CD209: variants seen among roughly 807,000 people sequenced by gnomAD.
CD209 encodes the protein CD209 molecule.
Under a neutral mutation model 44.7 loss-of-function variants are expected in CD209, and 31 were observed. That is an observed-to-expected ratio of 0.69 (90% CI 0.52 to 0.94). The LOEUF (loss-of-function observed/expected upper bound fraction) is 0.94. Ranked by LOEUF, CD209 falls within the 40% of genes least tolerant of loss-of-function variation. CD209 has a pLI of 0.00. For missense variants in CD209, 407 were observed against 452.4 expected (o/e 0.90, Z 0.91); for synonymous variants, 173 against 181.3 (o/e 0.95, Z 0.37).
chr19:7,747,207 C>A, intron 2 of CD209, 99 bp downstream of exon 2: 1 of 1,261,478 alleles, frequency 7.9e-7, no homozygotes, highest in Non-Finnish European at 1.1e-6. Flanking sequence ...GCCCCACATC[C>A]CCAGGACCCA....
In CD209 at chr19:7,743,255, C is replaced by T. The variant is rs376393724; in HGVS notation, c.1014-15G>A. ...ACTGCTTGAAGCTGCAAAGCCCATG[C>T]GGAATGTGAGCCTCTGTCCCCGCCA... is the stretch of plus-strand genomic sequence containing the variant. On this transcript the variant is annotated splice_polypyrimidine_tract_variant and intron_variant, in intron 6 of 6. Transcript: ENST00000315599. 4.3e-6 allele frequency: 7 copies of T among 1,609,976 alleles called. No individual in the cohort carries two copies. Among genetic ancestry groups the T allele is most frequent in the Middle Eastern group, 1.7e-4 (1 of 6,058 alleles).
Position 7,747,350 on chromosome 19 carries a change from C to T in CD209, c.62G>A (p.Arg21Lys). The T allele has an allele frequency of 6.2e-7, 1 of 1,614,204 alleles. No homozygotes were observed. The highest frequency in any genetic ancestry group is 8.5e-7 in the Non-Finnish European group (1 of 1,179,998). Residue 21 changes from arginine to lysine, a missense_variant, in exon 2 of 7, where the codon AGA (arginine) becomes AAA (lysine). Transcript: ENST00000315599. ...TCGAGTCTGTCGGAATCCAAGGCCTCTCAGCTGTTCCTCCTCTGAATGGAT... is the reference window on the plus strand; with the variant it reads ...TCGAGTCTGTCGGAATCCAAGGCCTTTCAGCTGTTCCTCCTCTGAATGGAT... ...QLGLLEEEQLRGLGFRQTRGY... is the reference protein window; with the variant it reads ...QLGLLEEEQLKGLGFRQTRGY...
chr19:7,743,144 ATTACATTTGTCGTCG>A lies in CD209; in HGVS notation c.1095_1109del (p.Asp366_Asn370del). 1 of 1,614,142 alleles carries A rather than the reference ATTACATTTGTCGTCG, an allele frequency of 6.2e-7. No homozygotes were observed. On this transcript the variant is annotated inframe_deletion, in exon 7 of 7. Coordinates refer to ENST00000315599, the MANE Select transcript of CD209 (RefSeq NM_021155.4). The stretch of plus-strand genomic sequence containing the variant: ...TTTTGCAGATCCAGAATTTGGCAAG[ATTACATTTGTCGTCG>A]TTCCAGCCATTGCCACTAAATTCCG...
At position 7,742,024 on chromosome 19, in the gene CD209, C is replaced by A; in HGVS notation, c.*1015G>T. On this transcript the variant is annotated 3_prime_UTR_variant, in exon 7 of 7. Coordinates refer to ENST00000315599, the MANE Select transcript of CD209 (RefSeq NM_021155.4). ...GTGACCGCAGCGGGGGCCGGTGCAG[C>A]CGCAGTGAGAACGGCCGGAGCCGTC... is the stretch of plus-strand genomic sequence containing the variant. The A allele has an allele frequency of 3.3e-6, 1 of 304,884 alleles. No individual in the cohort carries two copies. Among genetic ancestry groups the A allele is most frequent in the Non-Finnish European group, 6.7e-6 (1 of 149,190 alleles). The allele number at this position is 304,884 out of a possible 1,614,324, so 18.9% of individuals were successfully genotyped here. A position where few individuals can be genotyped will look rare whatever the true frequency, so the allele number is the denominator to read the frequency against.
rs902634156 is a variant in CD209, at chr19:7,742,731, C to T, written c.*308G>A. The T allele has an allele frequency of 7.7e-6, 3 of 390,708 alleles. No individual in the cohort carries two copies. The highest frequency in any genetic ancestry group is 1.4e-5 in the Non-Finnish European group (3 of 212,760). The allele number at this position is 390,708 out of a possible 1,614,324, so 24.2% of individuals were successfully genotyped here. On this transcript the variant is annotated 3_prime_UTR_variant, in exon 7 of 7. Transcript: ENST00000315599. ...TGGTAGGTTTGCATGTATAAGATAACGCCCCAGGGGACATAGCAGCTACAC... is the reference window on the plus strand; with the variant it reads ...TGGTAGGTTTGCATGTATAAGATAATGCCCCAGGGGACATAGCAGCTACAC...
In CD209 at chr19:7,743,184, G is replaced by T; in HGVS notation, c.1070C>A (p.Ala357Glu). Residue 357 changes from alanine to glutamate, a missense_variant, in exon 7 of 7, where the codon GCG becomes GAG. Around this residue, in one of 3 missense-constraint regions of CD209, gnomAD observed 200 missense variants for 202.2 expected, o/e 0.99. Coordinates refer to ENST00000315599, the MANE Select transcript of CD209 (RefSeq NM_021155.4). ...EPNNVGEEDC[A>E]EFSGNGWNDD... ...GTTCCAGCCATTGCCACTAAATTCC[G>T]CGCAGTCTTCCTCCCCAACGTTGTT... 6.2e-7 allele frequency: 1 copy of T among 1,614,098 alleles called. No individual in the cohort carries two copies. Among genetic ancestry groups the T allele is most frequent in the Non-Finnish European group, 8.5e-7 (1 of 1,179,992 alleles).
chr19:7,745,001 G>T lies in CD209; in HGVS notation c.840C>A (p.Ser280=). ...MSNSQRNWHD[S]ITACKEVGAQ... is the part of the protein sequence containing the mutation. The stretch of plus-strand genomic sequence containing the variant: ...CCCCCACTTCTTTGCAGGCGGTGAT[G>T]GAGTCGTGCCAGTTCCGCTGGGAGT... The change falls in exon 5 of 7, where the codon TCC becomes TCA. Residue 280 remains serine (S), a synonymous_variant. Coordinates refer to ENST00000315599, the MANE Select transcript of CD209 (RefSeq NM_021155.4). 6.2e-7 allele frequency: 1 copy of T among 1,614,240 alleles called. No individual in the cohort carries two copies. The highest frequency in any genetic ancestry group is 1.3e-5 in the African/African-American group (1 of 75,058).
In CD209 at chr19:7,741,850, A is replaced by G. The variant is rs182574144; in HGVS notation, c.*1189T>C. ...GGGAGAGAGAGGGTGGGCCACCACGATGAATACTACAGGCTGCGGGGAAGG... is the reference window on the plus strand; with the variant it reads ...GGGAGAGAGAGGGTGGGCCACCACGGTGAATACTACAGGCTGCGGGGAAGG... On this transcript the variant is annotated 3_prime_UTR_variant, in exon 7 of 7. Transcript: ENST00000315599. The G allele has an allele frequency of 1.1e-4, 53 of 482,278 alleles. No homozygotes were observed. The highest frequency in any genetic ancestry group is 8.2e-4 in the African/African-American group (41 of 49,992). 29.9% of individuals were successfully genotyped at this position (482,278 alleles called of 1,614,324 possible).
rs200889450 is a variant in CD209 at position 7,745,498 on chromosome 19, C to A, written c.748+20G>T. 1 of 1,612,380 alleles carries A rather than the reference C, an allele frequency of 6.2e-7. No individual in the cohort carries two copies. The highest frequency in any genetic ancestry group is 2.2e-5 in the East Asian group (1 of 44,890). ...CAACGACCATCTCAGGCCCAAGAAG[C>A]CCTGGTTCCAGATACTCACCCACTG... On this transcript the variant is annotated intron_variant, in intron 4 of 6. Transcript: ENST00000315599.
At position 7,740,424 on chromosome 19, in the gene CD209, A is replaced by G; in HGVS notation, c.*2615T>C. On this transcript the variant is annotated 3_prime_UTR_variant, in exon 7 of 7. Transcript: ENST00000315599. ...AATGTTTACCAGTTTATTATAAAGG[A>G]TACAACTAGAGGGGCGGGGCGGTGC... 2 of 665,588 alleles carry G rather than the reference A, an allele frequency of 3.0e-6. No homozygotes were observed. The highest frequency in any genetic ancestry group is 3.5e-4 in the Middle Eastern group (1 of 2,836). 41.2% of individuals were successfully genotyped at this position (665,588 alleles called of 1,614,324 possible).
chr19:7,740,916 C>G lies in CD209; in HGVS notation c.*2123G>C. 5.5e-6 allele frequency: 4 copies of G among 730,334 alleles called. No individual in the cohort carries two copies. Among genetic ancestry groups the G allele is most frequent in the South Asian group, 4.5e-5 (3 of 66,624 alleles). The allele number at this position is 730,334 out of a possible 1,614,324, so 45.2% of individuals were successfully genotyped here. ...CACATGGCAAAACCCGGAACCCCCCCTTGGATTTCAGAGTCATGGAGAAGG... is the reference window on the plus strand; with the variant it reads ...CACATGGCAAAACCCGGAACCCCCCGTTGGATTTCAGAGTCATGGAGAAGG... On this transcript the variant is annotated 3_prime_UTR_variant, in exon 7 of 7. Coordinates refer to ENST00000315599, the MANE Select transcript of CD209 (RefSeq NM_021155.4).
Position 7,741,373 on chromosome 19 carries a change from T to A in CD209, c.*1666A>T, listed in dbSNP as rs1387202096. ...GCTAATTTTTGTACTTTTAGTGGAGTCCCAGCTACTCGGGAGGCTGAGGCA... is the reference window on the plus strand; with the variant it reads ...GCTAATTTTTGTACTTTTAGTGGAGACCCAGCTACTCGGGAGGCTGAGGCA... On this transcript the variant is annotated 3_prime_UTR_variant, in exon 7 of 7. Transcript: ENST00000315599. 2 of 379,606 alleles carry A rather than the reference T, an allele frequency of 5.3e-6. No homozygotes were observed. Among genetic ancestry groups the A allele is most frequent in the Non-Finnish European group, 9.8e-6 (2 of 204,018 alleles). The allele number at this position is 379,606 out of a possible 1,614,324, so 23.5% of individuals were successfully genotyped here. A position where few individuals can be genotyped will look rare whatever the true frequency, so the allele number is the denominator to read the frequency against.
rs2033612094 is a variant in CD209, at chr19:7,741,485, C to T, written c.*1554G>A. The T allele has an allele frequency of 7.8e-6, 4 of 515,512 alleles. No individual in the cohort carries two copies. Among genetic ancestry groups the T allele is most frequent in the Admixed American group, 7.2e-5 (3 of 41,616 alleles). The allele number at this position is 515,512 out of a possible 1,614,324, so 31.9% of individuals were successfully genotyped here. Reference sequence around the variant, plus strand: ...CCAGCCTGGCGACAGAGCAAGACCCCATCTTTAAAAAAAAATAGTAATTAA... The same window carrying T: ...CCAGCCTGGCGACAGAGCAAGACCCTATCTTTAAAAAAAAATAGTAATTAA... On this transcript the variant is annotated 3_prime_UTR_variant, in exon 7 of 7. Transcript: ENST00000315599.
chr19:7,746,651 C>T, intron 2 of CD209, 120 bp from the exon 3 acceptor site: 2 of 940,040 alleles, frequency 2.1e-6, no homozygotes, highest in Non-Finnish European at 3.3e-6. Context: ...GCCCCCTCCA[C>T]TCCAACACCT....
At chr19:7,746,436 A>C in intron 3 of CD209, 24 bp downstream of exon 3, 1 of 1,613,114 alleles carries the variant, frequency 6.2e-7, no homozygotes, top group South Asian at 1.1e-5. Flanking sequence ...TGGGGACCCC[A>C]GACCCTCAGA....
intron 6 of CD209, 118 bp downstream of exon 6, chr19:7,743,989 A>G: frequency 1.2e-6 from 1 of 815,834 alleles, no homozygotes; most frequent in Admixed American, 2.2e-5. Context: ...AACTCAGTAA[A>G]ACCTCCAGAT....
Position 7,741,458 on chromosome 19 carries a change from C to G in CD209, c.*1581G>C. The stretch of plus-strand genomic sequence containing the variant: ...AGTGAGCCTAGATCGCGCCACTGCA[C>G]TCCAGCCTGGCGACAGAGCAAGACC... On this transcript the variant is annotated 3_prime_UTR_variant, in exon 7 of 7. Coordinates refer to ENST00000315599, the MANE Select transcript of CD209 (RefSeq NM_021155.4). 1 of 451,324 alleles carries G rather than the reference C, an allele frequency of 2.2e-6. No individual in the cohort carries two copies. The highest frequency in any genetic ancestry group is 3.1e-5 in the Admixed American group (1 of 32,768). 28.0% of individuals were successfully genotyped at this position (451,324 alleles called of 1,614,324 possible).
chr19:7,740,982 C>A lies in CD209; in HGVS notation c.*2057G>T. 1 of 708,376 alleles carries A rather than the reference C, an allele frequency of 1.4e-6. No individual in the cohort carries two copies. 43.9% of individuals were successfully genotyped at this position (708,376 alleles called of 1,614,324 possible). ...CCTTCTACAGTAAAACAGGAGCTTG[C>A]AGATTTGGAGATAGATGTTCACATG... On this transcript the variant is annotated 3_prime_UTR_variant, in exon 7 of 7. Coordinates refer to ENST00000315599, the MANE Select transcript of CD209 (RefSeq NM_021155.4).
rs532110467 is a variant in CD209, at chr19:7,743,233, G to C, written c.1021C>G (p.Gln341Glu). The change falls in exon 7 of 7, where the codon CAG becomes GAG. Residue 341 changes from glutamine (Q) to glutamate (E), a missense_variant. Transcript: ENST00000315599. ...TTGGGCTCTCCTCTGTTCCAATACTGCTTGAAGCTGCAAAGCCCATGCGGA... is the reference window on the plus strand; with the variant it reads ...TTGGGCTCTCCTCTGTTCCAATACTCCTTGAAGCTGCAAAGCCCATGCGGA... ...DGSPLLPSFKQYWNRGEPNNV... is the reference protein window; with the variant it reads ...DGSPLLPSFKEYWNRGEPNNV... 6.2e-7 allele frequency: 1 copy of C among 1,613,770 alleles called. No individual in the cohort carries two copies. The highest frequency in any genetic ancestry group is 1.1e-5 in the South Asian group (1 of 91,078).
Sources: gnomAD v4.1 joint callset for allele counts on GRCh38, gnomAD v4.1.1 for gene constraint, gnomAD v4.1.1 regional missense constraint, MANE v1.5 for transcripts, NCBI Gene and HGNC (gene_info 2026-07-23, HGNC 2026-07-21) for gene names.